ITFG1: variants seen among roughly 807,000 people sequenced by gnomAD.
ITFG1 encodes T-cell immunomodulatory protein.
Under a neutral mutation model 81.8 loss-of-function variants are expected in ITFG1, and 34 were observed. The ratio of observed to expected loss-of-function variants is 0.42; its 90% CI spans 0.32 to 0.55. ITFG1 has a LOEUF of 0.55. ITFG1 is among the 20% of genes least tolerant of loss of function. The pLI, the probability that ITFG1 is intolerant of heterozygous loss-of-function variation, is 0.17. For synonymous variants in ITFG1, 285 were observed against 270.6 expected, an observed-to-expected ratio of 1.05 and a Z score of -0.52; for missense variants, 672 against 755.4, an observed-to-expected ratio of 0.89 and a Z score of 1.29.
chr16:47,261,945 T>C (rs1048525308), intron 10 of ITFG1, among the ~76,000 whole-genome samples: 3 of 152,234 alleles, frequency 2.0e-5, no homozygotes, highest in Non-Finnish European at 4.4e-5. Flanking sequence ...AGTGCTGGGA[T>C]AATAGGTGTG....
chr16:47,342,666 T>C (rs749803960), intron 8 of ITFG1, among the ~76,000 whole-genome samples: 12 of 152,118 alleles, frequency 7.9e-5, no homozygotes, highest in Non-Finnish European at 1.5e-4. Flanking sequence ...CAGGTTGATC[T>C]TGTGATCAAC....
chr16:47,329,221 G>A (rs1264284867), intron 8 of ITFG1, among the ~76,000 whole-genome samples: 1 of 152,126 alleles, frequency 6.6e-6, no homozygotes, highest in Non-Finnish European at 1.5e-5. Flanking sequence ...AATGATTAAA[G>A]CTATTCTAAA....
intron 7 of ITFG1, among the ~76,000 whole-genome samples, chr16:47,368,225 C>A (rs1177588241): frequency 7.3e-6 from 1 of 137,114 alleles, no homozygotes; most frequent in Non-Finnish European, 1.5e-5. Context: ...CAGAGCGAGA[C>A]TCCGTCTCAA....
At chr16:47,346,793 C>G (rs1449607468) in intron 8 of ITFG1, among the ~76,000 whole-genome samples, 1 of 152,116 alleles carries the variant, frequency 6.6e-6, no homozygotes, top group Non-Finnish European at 1.5e-5. Flanking sequence ...AAGAAAAGCC[C>G]AGGACTTGAT....
intron 8 of ITFG1, among the ~76,000 whole-genome samples, chr16:47,327,813 A>G (rs1967574122): frequency 6.6e-6 from 1 of 152,222 alleles, no homozygotes; most frequent in African/African-American, 2.4e-5. Context: ...ATCATTAAAA[A>G]GTCAGGAAAC....
chr16:47,229,432 G>A (rs1965792085), intron 13 of ITFG1, among the ~76,000 whole-genome samples: 1 of 152,108 alleles, frequency 6.6e-6, no homozygotes, highest in African/African-American at 2.4e-5. Context: ...GGGAGGGCCT[G>A]AGGAAAAACT....
intron 8 of ITFG1, among the ~76,000 whole-genome samples, chr16:47,314,897 G>A (rs1196810641): frequency 1.3e-5 from 2 of 151,858 alleles, no homozygotes; most frequent in African/African-American, 4.8e-5. Context: ...GCATACTTAC[G>A]TACTGAGAGC....
intron 11 of ITFG1, among the ~76,000 whole-genome samples, chr16:47,258,964 A>T (rs1966173511): frequency 6.6e-6 from 1 of 152,218 alleles, no homozygotes; most frequent in African/African-American, 2.4e-5. Context: ...TAGTCTCTGG[A>T]GATAATGATT....
At chr16:47,311,436 A>C (rs954981718) in intron 9 of ITFG1, 24 bp from the exon 10 acceptor site, 1 of 1,517,914 alleles carries the variant, frequency 6.6e-7, no homozygotes, top group South Asian at 1.3e-5. Context: ...GAAAAAGATC[A>C]GACTTTATAG....
chr16:47,231,210 C>T (rs1181313975), intron 13 of ITFG1, among the ~76,000 whole-genome samples: 1 of 152,220 alleles, frequency 6.6e-6, no homozygotes, highest in Non-Finnish European at 1.5e-5. Context: ...ACCGTCTGTT[C>T]TCCAAGGGGA....
intron 8 of ITFG1, among the ~76,000 whole-genome samples, chr16:47,334,121 T>A (rs1181196377): frequency 2.0e-5 from 3 of 152,230 alleles, no homozygotes; most frequent in Non-Finnish European, 4.4e-5. Context: ...CCATGAATGT[T>A]ACTCTCATTC....
intron 10 of ITFG1, among the ~76,000 whole-genome samples, chr16:47,286,649 A>C (rs1369797514): frequency 6.6e-6 from 1 of 152,074 alleles, no homozygotes; most frequent in East Asian, 1.9e-4. Context: ...TCAAAAAAAA[A>C]AAAAGATAAT....
chr16:47,328,120 A>G (rs909717773), intron 8 of ITFG1, among the ~76,000 whole-genome samples: 4 of 152,186 alleles, frequency 2.6e-5, no homozygotes, highest in Non-Finnish European at 4.4e-5. Context: ...GCACATATAC[A>G]CCATGGAATA....
chr16:47,234,508 G>A (rs143666839), intron 13 of ITFG1, among the ~76,000 whole-genome samples: 7 of 152,178 alleles, frequency 4.6e-5, no homozygotes, highest in East Asian at 3.9e-4. Context: ...TAATGATTGA[G>A]CAATTTCCAA....
At chr16:47,328,553 C>T (rs1967593972) in intron 8 of ITFG1, among the ~76,000 whole-genome samples, 2 of 152,034 alleles carry the variant, frequency 1.3e-5, no homozygotes, top group Non-Finnish European at 2.9e-5. Flanking sequence ...AATTTAGACA[C>T]ATTTCTTACA....
chr16:47,449,832 A>G (rs1460371910), intron 5 of ITFG1: 1 of 152,230 alleles, frequency 6.6e-6, no homozygotes, highest in Admixed American at 6.5e-5. Flanking sequence ...AATATTCTAA[A>G]TAGTTTTCTC....
In ITFG1 at chr16:47,252,840, A is replaced by G. The variant is rs540679103; in HGVS notation, c.1330+5792T>C. Among the ~76,000 whole-genome samples, 37 of 152,342 alleles carry G rather than the reference A, an allele frequency of 2.4e-4. No individual in the cohort carries two copies. The South Asian group carries it at 7.7e-3, about 32-fold the overall frequency. Reference sequence around the variant, plus strand: ...TTGCCGATGGCTGTGAAGGGTAATTACGTGCTAGTAACTGACTTAAGGCAA... The same window carrying G: ...TTGCCGATGGCTGTGAAGGGTAATTGCGTGCTAGTAACTGACTTAAGGCAA... On this transcript the variant is annotated intron_variant, in intron 12 of 17. Coordinates refer to ENST00000320640, the MANE Select transcript of ITFG1 (RefSeq NM_030790.5).
intron 6 of ITFG1, among the ~76,000 whole-genome samples, chr16:47,385,291 C>G (rs1482024046): frequency 6.6e-6 from 1 of 151,932 alleles, no homozygotes; most frequent in Non-Finnish European, 1.5e-5. Context: ...AAAATTAGTT[C>G]AAAAAAATTA....
At chr16:47,161,355 T>C (rs966229449) in intron 16 of ITFG1, among the ~76,000 whole-genome samples, 2 of 152,196 alleles carry the variant, frequency 1.3e-5, no homozygotes, top group Non-Finnish European at 2.9e-5. Context: ...CTACATCTAT[T>C]TAACTCCAAA....
Sources: gnomAD v4.1 joint callset for allele counts (sites outside exome capture counted in the v4.1 genomes callset) on GRCh38, gnomAD v4.1.1 for gene constraint, MANE v1.5 for transcripts, NCBI Gene and HGNC (gene_info 2026-07-23, HGNC 2026-07-21) for gene names.